Variants in ADGRV1 observed in about 807,000 individuals in gnomAD.
ADGRV1 encodes G-protein coupled receptor 98.
ADGRV1 carries 359 observed loss-of-function variants against 596.2 expected under a neutral mutation model. The observed-to-expected ratio is 0.60, with a 90% confidence interval of 0.55 to 0.66. ADGRV1 has a LOEUF of 0.66. ADGRV1 is among the 30% of genes least tolerant of loss of function. ADGRV1 has a pLI of 0.00. For missense variants in ADGRV1, 7,274 were observed against 7,575.6 expected, an observed-to-expected ratio of 0.96 and a Z score of 1.48; for synonymous variants, 2,681 against 2,679.2, an observed-to-expected ratio of 1.00 and a Z score of -0.02.
intron 48 of ADGRV1, among the ~76,000 whole-genome samples, chr5:90,725,968 G>A (rs1436581559): frequency 2.0e-5 from 3 of 152,218 alleles, no homozygotes; most frequent in African/African-American, 7.2e-5. Flanking sequence ...AAAAATTCAT[G>A]ATTAGCATTG....
At chr5:91,142,609 C>G (rs1795187421) in intron 87 of ADGRV1, among the ~76,000 whole-genome samples, 1 of 152,180 alleles carries the variant, frequency 6.6e-6, no homozygotes, top group African/African-American at 2.4e-5. Context: ...ACCCCACTTC[C>G]TGGTTAAATT....
chr5:91,033,765 C>G (rs1045131570), intron 85 of ADGRV1, among the ~76,000 whole-genome samples: 8 of 152,112 alleles, frequency 5.3e-5, no homozygotes, highest in Admixed American at 3.3e-4. Context: ...TTGAGTTACA[C>G]TATAAATTCC....
chr5:91,076,693 AT>A (rs1018791148), intron 86 of ADGRV1, among the ~76,000 whole-genome samples: 2 of 152,236 alleles, frequency 1.3e-5, no homozygotes, highest in South Asian at 2.1e-4. Context: ...TATAAGAAAT[AT>A]TTTTTAAAGC....
intron 34 of ADGRV1, among the ~76,000 whole-genome samples, chr5:90,698,703 CT>C (rs1222728372): frequency 3.9e-5 from 6 of 151,938 alleles, no homozygotes; most frequent in African/African-American, 1.5e-4. Context: ...AATATGATGA[CT>C]TTTGTGGACA....
At chr5:90,588,449 G>C (rs530927738) in intron 1 of ADGRV1, among the ~76,000 whole-genome samples, 2 of 152,234 alleles carry the variant, frequency 1.3e-5, no homozygotes, top group Admixed American at 1.3e-4. Context: ...TGGAAGTTAG[G>C]CTGGAGATGT....
intron 86 of ADGRV1, 79 bp downstream of exon 86, chr5:91,072,683 A>C: frequency 6.9e-7 from 1 of 1,447,516 alleles, no homozygotes; most frequent in South Asian, 1.3e-5. Context: ...TTTTTTTATC[A>C]AAAAGAGGGA....
chr5:90,646,138 G>C, intron 16 of ADGRV1, 47 bp downstream of exon 16: 1 of 1,427,268 alleles, frequency 7.0e-7, no homozygotes. Flanking sequence ...TTCTTAAATA[G>C]TATATATAAA....
At chr5:90,835,698 C>T (rs77476058) in intron 77 of ADGRV1, among the ~76,000 whole-genome samples, 534 of 152,190 alleles carry the variant, frequency 3.5e-3, no homozygotes, top group East Asian at 0.012. Context: ...GGAAATGGCA[C>T]GCTATTTTTC....
chr5:90,656,535 A>G lies in ADGRV1; in HGVS notation c.4379-1370A>G, dbSNP rs1488585108. 2.0e-5 allele frequency among the ~76,000 whole-genome samples: 3 copies of G among 152,320 alleles called. No individual in the cohort carries two copies. In the South Asian group the frequency reaches 6.2e-4, roughly 32 times the overall value. On this transcript the variant is annotated intron_variant, in intron 20 of 89. Transcript: ENST00000405460. Reference sequence around the variant, plus strand: ...CATTACAGTTGCCAGATAATTCAATAGGAGAGACAACATAGGATTTCCCAT... The same window carrying G: ...CATTACAGTTGCCAGATAATTCAATGGGAGAGACAACATAGGATTTCCCAT...
intron 1 of ADGRV1, among the ~76,000 whole-genome samples, chr5:90,563,106 T>G (rs1755075246): frequency 6.6e-6 from 1 of 152,148 alleles, no homozygotes; most frequent in South Asian, 2.1e-4. Context: ...ATTTTAAAGG[T>G]TAGGGAAAGA....
At position 90,815,696 on chromosome 5, in the gene ADGRV1, A is replaced by C. The variant is rs771004214; in HGVS notation, c.16156A>C (p.Met5386Leu). The C allele has an allele frequency of 6.4e-7, 1 of 1,573,856 alleles. No homozygotes were observed. The highest frequency in any genetic ancestry group is 8.6e-7 in the Non-Finnish European group (1 of 1,158,016). ...ACTAGAACTCAGGGAAGGAGCTGTT[A>C]TGAGAAGATTGCACCTTATTGTCAC... Reference protein sequence around the residue: ...SGLELREGAVMRRLHLIVTRQ... With the variant: ...SGLELREGAVLRRLHLIVTRQ... The change falls in exon 75 of 90, where the codon ATG becomes CTG. Residue 5386 changes from methionine to leucine, a missense_variant. This residue lies in a region of ADGRV1 where 1,874 missense variants were observed against 1,970.2 expected (regional missense o/e 0.95). Transcript: ENST00000405460.
chr5:90,778,897 T>C lies in ADGRV1; in HGVS notation c.12882T>C (p.Asp4294=). The C allele has an allele frequency of 6.2e-7, 1 of 1,612,778 alleles. No individual in the cohort carries two copies. The highest frequency in any genetic ancestry group is 2.2e-5 in the East Asian group (1 of 44,860). Residue 4294 remains aspartate, a synonymous_variant, in exon 64 of 90, where the codon GAT becomes GAC. Transcript: ENST00000405460. ...VNITIIRSSG[D]FGHVRLWYKT... is the part of the protein sequence containing the mutation. ...TCACAATCATCCGTTCCAGTGGAGATTTTGGCCATGTGCGACTCTGGTACA... is the reference window on the plus strand; with the variant it reads ...TCACAATCATCCGTTCCAGTGGAGACTTTGGCCATGTGCGACTCTGGTACA...
At chr5:91,084,662 A>G (rs1308549711) in intron 86 of ADGRV1, among the ~76,000 whole-genome samples, 2 of 152,202 alleles carry the variant, frequency 1.3e-5, no homozygotes, top group Non-Finnish European at 2.9e-5. Context: ...ATTGTGGAAG[A>G]CAGTGTGGTG....
At chr5:90,899,933 A>G (rs144356900) in intron 83 of ADGRV1, among the ~76,000 whole-genome samples, 449 of 152,238 alleles carry the variant, frequency 2.9e-3, no homozygotes, top group African/African-American at 0.01. Flanking sequence ...TCCACCTGAG[A>G]TGACACCCCT....
chr5:91,085,836 G>A (rs1235872936), intron 86 of ADGRV1, among the ~76,000 whole-genome samples: 1 of 152,092 alleles, frequency 6.6e-6, no homozygotes, highest in African/African-American at 2.4e-5. Flanking sequence ...TTACTGCCCT[G>A]CCTCTCTTCT....
chr5:90,865,922 C>A (rs1313577172), intron 83 of ADGRV1, among the ~76,000 whole-genome samples: 1 of 152,088 alleles, frequency 6.6e-6, no homozygotes, highest in Non-Finnish European at 1.5e-5. Context: ...TTGGATCTTT[C>A]ATTTGGGATC....
chr5:90,859,175 A>G (rs937130446), intron 82 of ADGRV1, among the ~76,000 whole-genome samples: 3 of 152,146 alleles, frequency 2.0e-5, no homozygotes, highest in African/African-American at 4.8e-5. Context: ...AGTTCCTACT[A>G]TATTGCTCAG....
At chr5:90,592,296 A>G (rs549340277) in intron 1 of ADGRV1, among the ~76,000 whole-genome samples, 1 of 152,376 alleles carries the variant, frequency 6.6e-6, no homozygotes, top group African/African-American at 2.4e-5. Flanking sequence ...AAGGAATGAA[A>G]TAATGGCATT....
intron 85 of ADGRV1, among the ~76,000 whole-genome samples, chr5:90,987,469 CAA>C (rs11442398): frequency 1.2e-3 from 110 of 94,948 alleles, no homozygotes; most frequent in African/African-American, 2.9e-3. Flanking sequence ...GACTCTGACT[CAA>C]AAAAAAAAAA....
Sources: gnomAD v4.1 joint callset for allele counts (sites outside exome capture counted in the v4.1 genomes callset) on GRCh38, gnomAD v4.1.1 for gene constraint, gnomAD v4.1.1 regional missense constraint, MANE v1.5 for transcripts, NCBI Gene and HGNC (gene_info 2026-07-23, HGNC 2026-07-21) for gene names.